The following WDR74 variants were observed in gnomAD, a reference collection of about 807,000 sequenced individuals.
The protein encoded by WDR74 is WD repeat domain 74, also known as WD repeat-containing protein 74.
Under a neutral mutation model 45.6 loss-of-function variants are expected in WDR74, and 31 were observed. The ratio of observed to expected loss-of-function variants is 0.68; its 90% CI spans 0.51 to 0.92. WDR74 has a LOEUF of 0.92. WDR74 is among the 40% of genes least tolerant of loss of function. The probability of loss-of-function intolerance (pLI) is 0.00; values close to 1 mark genes in which losing one functional copy is unlikely to be tolerated. For missense variants in WDR74, 455 were observed against 497.2 expected (o/e 0.92, Z 0.81); for synonymous variants, 191 against 192.4 (o/e 0.99, Z 0.06).
chr11:62,839,221 G>C lies in WDR74; in HGVS notation c.186C>G (p.Cys62Trp). The change falls in exon 3 of 11, where the codon TGC (cysteine) becomes TGG (tryptophan). Residue 62 changes from cysteine to tryptophan, a missense_variant. Coordinates refer to ENST00000278856, the MANE Select transcript of WDR74 (RefSeq NM_001369450.1). ...TGAAGTGCTTCACCGTCCTGTCCGC[G>C]CAGCCCACCAGCATCTGCGGCAAAG... ...TGGETQMLVG[C>W]ADRTVKHFST... 6.2e-7 allele frequency: 1 copy of C among 1,613,556 alleles called. No homozygotes were observed. The highest frequency in any genetic ancestry group is 1.1e-5 in the South Asian group (1 of 91,084).
Position 62,836,576 on chromosome 11 carries a change from C to T in WDR74, c.294-540G>A, listed in dbSNP as rs77780495. 231 of 161,628 alleles carry T rather than the reference C, an allele frequency of 1.4e-3. 4 individuals are homozygous for T. The East Asian group carries it at 0.032, about 22-fold the overall frequency. The allele number at this position is 161,628 out of a possible 1,614,324, so 10.0% of individuals were successfully genotyped here. A position where few individuals can be genotyped will look rare whatever the true frequency, so the allele number is the denominator to read the frequency against. The stretch of plus-strand genomic sequence containing the variant: ...AGTCTCTTGCTTAAAATATCCCTCC[C>T]GAGAAGTCCAAGCAAGTCTCTCCCC... On this transcript the variant is annotated intron_variant, in intron 3 of 10. Coordinates refer to ENST00000278856, the MANE Select transcript of WDR74 (RefSeq NM_001369450.1).
chr11:62,834,759 G>A (rs929348866), intron 6 of WDR74: 3 of 529,486 alleles, frequency 5.7e-6, no homozygotes, highest in African/African-American at 3.8e-5. Context: ...GGAAGTGTGT[G>A]AGCATTCCAT....
At chr11:62,840,568 A>G (rs539861850), upstream of WDR74, among the ~76,000 whole-genome samples, 1 of 152,276 alleles carries the variant, frequency 6.6e-6, no homozygotes, top group Admixed American at 6.5e-5. Flanking sequence ...AAATACAGTA[A>G]TAGCGCATGC....
At chr11:62,838,256 G>A (rs965613368) in intron 3 of WDR74, among the ~76,000 whole-genome samples, 10 of 152,056 alleles carry the variant, frequency 6.6e-5, no homozygotes, top group Non-Finnish European at 1.3e-4. Flanking sequence ...GGATTCAAGC[G>A]ATTCTCCAGC....
upstream of WDR74, chr11:62,841,763 A>G (rs1160741152): frequency 1.3e-5 from 2 of 152,260 alleles, no homozygotes; most frequent in African/African-American, 2.4e-5. Flanking sequence ...TTAAACTGAT[A>G]AGAACAGATA....
intron 3 of WDR74, among the ~76,000 whole-genome samples, chr11:62,838,227 A>G (rs1211354878): frequency 6.6e-6 from 1 of 152,090 alleles, no homozygotes; most frequent in Non-Finnish European, 1.5e-5. Flanking sequence ...ATCTCTGCTC[A>G]CTGCAACCTC....
intron 3 of WDR74, among the ~76,000 whole-genome samples, chr11:62,838,841 A>G (rs1299436503): frequency 6.6e-6 from 1 of 152,144 alleles, no homozygotes; most frequent in Non-Finnish European, 1.5e-5. Flanking sequence ...AGAGGATTAT[A>G]ATGGAGTCAG....
chr11:62,835,357 G>A, intron 6 of WDR74, 74 bp downstream of exon 6: 1 of 1,399,896 alleles, frequency 7.1e-7, no homozygotes, highest in Non-Finnish European at 1.0e-6. Context: ...GAGCAGTTGT[G>A]TCAAACCGTG....
intron 6 of WDR74, chr11:62,834,909 G>C (rs368892748): frequency 4.0e-6 from 1 of 251,702 alleles, no homozygotes; most frequent in Admixed American, 5.0e-5. Flanking sequence ...TTGAGCAGAG[G>C]CATATGACCA....
At position 62,832,986 on chromosome 11, in the gene WDR74, C is replaced by G; in HGVS notation, c.1124G>C (p.Arg375Thr). ...QPQGALQTRR[R>T]KKKRPGSTSP is the part of the protein sequence containing the mutation. ...GGTGGACCCAGGCCGCTTCTTCTTT[C>G]TCCGTCTCGTTTGGAGAGCTCCTTG... The change falls in exon 11 of 11, where the codon AGA (arginine) becomes ACA (threonine). Residue 375 changes from arginine (R) to threonine (T), a missense_variant. Physicochemically the swap from Arg to Thr is moderately conservative, Grantham distance 71 (BLOSUM62 -1). Coordinates refer to ENST00000278856, the MANE Select transcript of WDR74 (RefSeq NM_001369450.1). 1 of 1,607,578 alleles carries G rather than the reference C, an allele frequency of 6.2e-7. No homozygotes were observed. Among genetic ancestry groups the G allele is most frequent in the Non-Finnish European group, 8.5e-7 (1 of 1,177,576 alleles).
Position 62,833,069 on chromosome 11 carries a change from T to C in WDR74, c.1041A>G (p.Glu347=), listed in dbSNP as rs1456475833. 6.2e-7 allele frequency: 1 copy of C among 1,611,654 alleles called. No individual in the cohort carries two copies. Among genetic ancestry groups the C allele is most frequent in the Non-Finnish European group, 8.5e-7 (1 of 1,179,150 alleles). ...KVPLEDTETD[E]LWASLEAAAK... The stretch of plus-strand genomic sequence containing the variant: ...CAGCTGCCTCCAAGGATGCCCAAAG[T>C]TCATCTGTCTCTGTGTCTTCTAGGG... Residue 347 remains glutamate, a synonymous_variant, in exon 11 of 11, where the codon GAA becomes GAG. Coordinates refer to ENST00000278856, the MANE Select transcript of WDR74 (RefSeq NM_001369450.1).
intron 3 of WDR74, among the ~76,000 whole-genome samples, chr11:62,837,515 C>CA (rs367604130): frequency 0.081 from 10,562 of 130,224 alleles, 420 homozygotes; most frequent in East Asian, 0.16. Context: ...AAACAAAAAA[C>CA]AAAAAAAAAA....
At chr11:62,833,296 TAAAAA>T (rs1048706100) in intron 10 of WDR74, among the ~76,000 whole-genome samples, 165 bp from the exon 11 acceptor site, 4 of 50,862 alleles carry the variant, frequency 7.9e-5, no homozygotes, top group Non-Finnish European at 1.2e-4. Context: ...AAAAGAAGTT[TAAAAA>T]AAAAAAAAAA....
At chr11:62,841,623 A>T (rs148507860), upstream of WDR74, 1 of 152,192 alleles carries the variant, frequency 6.6e-6, no homozygotes, top group South Asian at 2.1e-4. Context: ...CCGAAGGGAG[A>T]GTGCACCGTT....
At chr11:62,841,527 A>G (rs1008654467), upstream of WDR74, 1 of 151,966 alleles carries the variant, frequency 6.6e-6, no homozygotes, top group South Asian at 2.1e-4. Context: ...AAAAACACCT[A>G]ATCCAACTCA....
At chr11:62,838,282 A>AGCT (rs2084988281) in intron 3 of WDR74, among the ~76,000 whole-genome samples, 1 of 151,942 alleles carries the variant, frequency 6.6e-6, no homozygotes, top group Non-Finnish European at 1.5e-5. Context: ...CCTCCCAAGT[A>AGCT]GCTGGGATTA....
At position 62,839,585 on chromosome 11, in the gene WDR74, G is replaced by A; in HGVS notation, c.-15C>T. 6.2e-7 allele frequency: 1 copy of A among 1,601,778 alleles called. No individual in the cohort carries two copies. The stretch of plus-strand genomic sequence containing the variant: ...GCAGCCGCCATGACAAAGCCTGGAG[G>A]CAGACAGTTCACACTTCCGGCGCAG... On this transcript the variant is annotated 5_prime_UTR_variant, in exon 1 of 11. Transcript: ENST00000278856.
chr11:62,839,086 C>T (rs1198316608), intron 3 of WDR74, 28 bp downstream of exon 3: 1 of 1,612,036 alleles, frequency 6.2e-7, no homozygotes, highest in South Asian at 1.1e-5. Context: ...CCCTTCGGCC[C>T]TGAGTTTAGC....
chr11:62,833,095 G>A lies in WDR74; in HGVS notation c.1015C>T (p.Pro339Ser), dbSNP rs760777565. 3.1e-6 allele frequency: 5 copies of A among 1,612,766 alleles called. No homozygotes were observed. The South Asian group carries it at 3.3e-5, about 11-fold the overall frequency. ...TCATCTGTCTCTGTGTCTTCTAGGG[G>A]CACCTTGTTGGGTTCTTGAGGCTCT... is the stretch of plus-strand genomic sequence containing the variant. Reference protein sequence around the residue: ...PQEPQEPNKVPLEDTETDELW... With the variant: ...PQEPQEPNKVSLEDTETDELW... The change falls in exon 11 of 11, where the codon CCC becomes TCC. Residue 339 changes from proline to serine, a missense_variant. Pro to Ser is a moderately conservative substitution (Grantham distance 74, BLOSUM62 -1). Transcript: ENST00000278856.
Sources: gnomAD v4.1 joint callset for allele counts (sites outside exome capture counted in the v4.1 genomes callset) on GRCh38, gnomAD v4.1.1 for gene constraint, MANE v1.5 for transcripts, NCBI Gene and HGNC (gene_info 2026-07-23, HGNC 2026-07-21) for gene names.